Variants in CLDN14 observed in about 807,000 individuals in gnomAD.
The protein encoded by CLDN14 is claudin 14, also known as claudin-14.
Under a neutral mutation model 2.1 loss-of-function variants are expected in CLDN14, and 2 were observed. The observed-to-expected ratio is 0.96, with a 90% CI of 0.39 to 3.01. CLDN14 has a LOEUF of 3.01. Ranked by LOEUF, CLDN14 falls within the 30% of genes most tolerant of loss-of-function variation. CLDN14 has a pLI of 0.09. For missense variants in CLDN14, 298 were observed against 328.0 expected, an observed-to-expected ratio of 0.91 and a Z score of 0.71; for synonymous variants, 136 against 154.4, an observed-to-expected ratio of 0.88 and a Z score of 0.88.
intron 1 of CLDN14, among the ~76,000 whole-genome samples, chr21:36,548,753 G>A (rs1333771487): frequency 6.6e-6 from 1 of 152,166 alleles, no homozygotes; most frequent in Admixed American, 6.5e-5. Context: ...GTTGATGTGG[G>A]GAGGCCAAGG....
rs1188706295 is a variant in CLDN14, at chr21:36,501,143, TAGAAG to T, written c.-82+9215_-82+9219del. Among the ~76,000 whole-genome samples the T allele has an allele frequency of 2.6e-5, 4 of 152,240 alleles. 1 individual carries two copies. The highest frequency in any genetic ancestry group is 4.1e-4 in the South Asian group (2 of 4,826). Reference sequence around the variant, plus strand: ...CACCCTCATCTTTCCTTCTCTGCCTTAGAAGAGAAAAGGATGATGGCTTATCTGAG... The same window carrying T: ...CACCCTCATCTTTCCTTCTCTGCCTTAGAAAAGGATGATGGCTTATCTGAG... On this transcript the variant is annotated intron_variant, in intron 2 of 2. Transcript: ENST00000342108.
intron 1 of CLDN14, among the ~76,000 whole-genome samples, chr21:36,564,652 C>T (rs2087659894): frequency 6.6e-6 from 1 of 152,174 alleles, no homozygotes; most frequent in Non-Finnish European, 1.5e-5. Context: ...CAAAGACGCC[C>T]ATGCCCTCAT....
At chr21:36,566,650 G>A (rs190741096) in intron 1 of CLDN14, among the ~76,000 whole-genome samples, 5 of 152,282 alleles carry the variant, frequency 3.3e-5, no homozygotes, top group Non-Finnish European at 7.4e-5. Context: ...GATGGCCTTG[G>A]CTTGATCCCT....
intron 1 of CLDN14, among the ~76,000 whole-genome samples, chr21:36,558,660 TCAGA>T (rs2087614287): frequency 6.6e-6 from 1 of 152,114 alleles, no homozygotes. Context: ...AATTTCCTTT[TCAGA>T]TAGTTTACTG....
chr21:36,482,968 G>A (rs919447890), upstream of CLDN14, among the ~76,000 whole-genome samples: 1 of 152,212 alleles, frequency 6.6e-6, no homozygotes, highest in Non-Finnish European at 1.5e-5. Context: ...TCCTGAAACA[G>A]CCTTTGCTTT....
At chr21:36,509,426 A>G (rs943568612) in intron 2 of CLDN14, among the ~76,000 whole-genome samples, 3 of 152,186 alleles carry the variant, frequency 2.0e-5, no homozygotes, top group Non-Finnish European at 4.4e-5. Context: ...TTTTTGGCCC[A>G]GAGAAGGGGA....
At chr21:36,536,335 G>A (rs574251981) in intron 1 of CLDN14, among the ~76,000 whole-genome samples, 2 of 152,322 alleles carry the variant, frequency 1.3e-5, no homozygotes, top group African/African-American at 2.4e-5. Context: ...TCTCCCTCGT[G>A]TTAGATGCAG....
At chr21:36,517,794 T>C (rs764638371) in intron 1 of CLDN14, among the ~76,000 whole-genome samples, 2 of 151,908 alleles carry the variant, frequency 1.3e-5, no homozygotes, top group Non-Finnish European at 2.9e-5. Context: ...TTCATGAGGG[T>C]TTTTGGGAGG....
In CLDN14 at chr21:36,501,332, C is replaced by CTTTT. The variant is rs58458004; in HGVS notation, c.-82+9027_-82+9030dup. 4.7e-4 allele frequency among the ~76,000 whole-genome samples: 23 copies of CTTTT among 48,446 alleles called. 7 individuals carry two copies. The South Asian group carries it at 8.4e-3, about 18-fold the overall frequency. 31.8% of individuals were successfully genotyped at this position (48,446 alleles called of 152,430 possible). ...AATGGGAGTTTCAGTCAATATCTCA[C>CTTTT]TTTTTTTTTTTTTTTTTTTTTTTTT... On this transcript the variant is annotated intron_variant, in intron 2 of 2. Transcript: ENST00000342108.
intron 1 of CLDN14, among the ~76,000 whole-genome samples, chr21:36,531,379 G>A (rs73374416): frequency 0.14 from 20,557 of 151,022 alleles, 3,517 homozygotes; most frequent in African/African-American, 0.41. Flanking sequence ...CCACCTCCTG[G>A]GTTCCAGCCT....
rs561067397 is a variant in CLDN14, at chr21:36,520,144, C to T, written c.-219-9644G>A. 3.0e-4 allele frequency among the ~76,000 whole-genome samples: 46 copies of T among 151,464 alleles called. No individual in the cohort carries two copies. The South Asian group carries it at 8.7e-3, about 29-fold the overall frequency. On this transcript the variant is annotated intron_variant, in intron 1 of 2. Coordinates refer to the CLDN14 transcript ENST00000342108. ...ACTTTTCTGGTCCTCCTCAGCCTGTCGCTGCATCTTTCTAATCTCTGCCTC... is the reference window on the plus strand; with the variant it reads ...ACTTTTCTGGTCCTCCTCAGCCTGTTGCTGCATCTTTCTAATCTCTGCCTC...
At chr21:36,477,491 G>C (rs2086792957) in intron 1 of CLDN14, 1 of 152,178 alleles carries the variant, frequency 6.6e-6, no homozygotes, top group South Asian at 2.1e-4. Context: ...AAACAGACCT[G>C]GTGTTCTAAA....
upstream of CLDN14, among the ~76,000 whole-genome samples, chr21:36,483,831 G>A (rs2086869909): frequency 6.6e-6 from 1 of 152,168 alleles, no homozygotes; most frequent in East Asian, 1.9e-4. Context: ...GCACTATTTG[G>A]GGTGGGGACC....
intron 1 of CLDN14, among the ~76,000 whole-genome samples, chr21:36,531,281 T>A (rs918093903): frequency 5.0e-4 from 75 of 149,664 alleles, no homozygotes; most frequent in African/African-American, 1.8e-3. Context: ...TATATATATT[T>A]GCTATAAATG....
At chr21:36,484,677 A>G (rs2086877430), upstream of CLDN14, among the ~76,000 whole-genome samples, 1 of 151,228 alleles carries the variant, frequency 6.6e-6, no homozygotes, top group African/African-American at 2.4e-5. Context: ...TTATAAGGAC[A>G]CCTGTCAGAT....
chr21:36,547,270 C>T (rs2087532010), intron 1 of CLDN14, among the ~76,000 whole-genome samples: 1 of 152,078 alleles, frequency 6.6e-6, no homozygotes, highest in Non-Finnish European at 1.5e-5. Flanking sequence ...AACTTGGTGG[C>T]AGGGCAGGAT....
At chr21:36,500,317 C>T (rs2146476019) in intron 2 of CLDN14, among the ~76,000 whole-genome samples, 1 of 152,354 alleles carries the variant, frequency 6.6e-6, no homozygotes, top group East Asian at 1.9e-4. Context: ...AGCCTCGGAC[C>T]TGTTACTGCA....
rs372133119 is a variant in CLDN14 at position 36,537,887 on chromosome 21, A to T, written c.-219-27387T>A. On this transcript the variant is annotated intron_variant, in intron 1 of 2. Transcript: ENST00000342108. ...CTGGTCTCGAACTCCTGACCTAGTG[A>T]TCTGCCTGCTTCAGCCTCCCAAGGT... 1.4e-4 allele frequency among the ~76,000 whole-genome samples: 22 copies of T among 152,254 alleles called. No individual in the cohort carries two copies. The East Asian group carries it at 1.7e-3, about 12-fold the overall frequency.
chr21:36,463,316 GCTT>G (rs1056865366), intron 1 of CLDN14, among the ~76,000 whole-genome samples: 5 of 152,248 alleles, frequency 3.3e-5, no homozygotes, highest in Admixed American at 1.3e-4. Flanking sequence ...GGCAAAACCT[GCTT>G]CTTCTTCTGC....
Sources: allele counts gnomAD v4.1 joint callset (sites outside exome capture counted in the v4.1 genomes callset), GRCh38; gene constraint gnomAD v4.1.1; transcripts MANE v1.5; gene names NCBI Gene and HGNC (gene_info 2026-07-23, HGNC 2026-07-21).